The following PERCC1 variants were observed in gnomAD, a reference collection of about 807,000 sequenced individuals.
PERCC1 encodes protein PERCC1.
Position 1,433,582 on chromosome 16 carries a change from T to C in PERCC1, c.*185T>C. 6.6e-6 allele frequency among the ~76,000 whole-genome samples: 1 copy of C among 152,178 alleles called. No individual in the cohort carries two copies. Among genetic ancestry groups the C allele is most frequent in the East Asian group, 1.9e-4 (1 of 5,172 alleles). On this transcript the variant is annotated 3_prime_UTR_variant, in exon 2 of 2. Transcript: ENST00000640283. ...GTGGTGCCCAGACCTGGCCATGCCC[T>C]GGCCTTCAGCCCCAGCAGAGCCCCT...
At position 1,432,883 on chromosome 16, in the gene PERCC1, T is replaced by G; in HGVS notation, c.290T>G (p.Ile97Ser). The change falls in exon 2 of 2, where the codon ATC becomes AGC. Residue 97 changes from isoleucine to serine, a missense_variant. Coordinates refer to ENST00000640283, the MANE Select transcript of PERCC1 (RefSeq NM_001365310.2). Reference sequence around the variant, plus strand: ...TTTTCAGAGCTCATCAGCGACGACATCCGGCGGTACTTTGGCCGCAAGGAT... The same window carrying G: ...TTTTCAGAGCTCATCAGCGACGACAGCCGGCGGTACTTTGGCCGCAAGGAT... The part of the protein sequence containing the change: ...LRFSELISDD[I>S]RRYFGRKDKG... The G allele has an allele frequency of 2.5e-6, 1 of 398,596 alleles. No homozygotes were observed. Among genetic ancestry groups the G allele is most frequent in the Non-Finnish European group, 4.4e-6 (1 of 225,966 alleles). 24.7% of individuals were successfully genotyped at this position (398,596 alleles called of 1,614,324 possible). A position where few individuals can be genotyped will look rare whatever the true frequency, so the allele number is the denominator to read the frequency against.
At chr16:1,431,873 C>T (rs2038451113) in intron 1 of PERCC1, among the ~76,000 whole-genome samples, 1 of 152,170 alleles carries the variant, frequency 6.6e-6, no homozygotes, top group Admixed American at 6.5e-5. Flanking sequence ...ACCCCAGCCG[C>T]CTTCACCATC....
chr16:1,432,499 G>T (rs1425314145), intron 1 of PERCC1, 48 bp from the exon 2 acceptor site: 2 of 398,280 alleles, frequency 5.0e-6, no homozygotes, highest in Non-Finnish European at 8.9e-6. Context: ...GGCGGCGGGG[G>T]CATGGCCAGG....
intron 1 of PERCC1, among the ~76,000 whole-genome samples, chr16:1,431,814 C>G (rs2142346972): frequency 6.6e-6 from 1 of 152,308 alleles, no homozygotes; most frequent in East Asian, 1.9e-4. Context: ...CTTGAGTCGT[C>G]CTGGCCAGGT....
Position 1,434,278 on chromosome 16 carries a change from G to A in PERCC1, c.*881G>A. The A allele has an allele frequency of 1.9e-6, 2 of 1,072,034 alleles. No homozygotes were observed. Among genetic ancestry groups the A allele is most frequent in the Non-Finnish European group, 2.6e-6 (2 of 757,366 alleles). 66.4% of individuals were successfully genotyped at this position (1,072,034 alleles called of 1,614,324 possible). A position where few individuals can be genotyped will look rare whatever the true frequency, so the allele number is the denominator to read the frequency against. On this transcript the variant is annotated 3_prime_UTR_variant, in exon 2 of 2. Coordinates refer to ENST00000640283, the MANE Select transcript of PERCC1 (RefSeq NM_001365310.2). ...AGAGTCATGGGGGTCAAGAGACTGG[G>A]TCCCTCCAAGCTTGGGCACCCCCGC... is the stretch of plus-strand genomic sequence containing the variant.
At position 1,433,922 on chromosome 16, in the gene PERCC1, C is replaced by G. The variant is rs968951356; in HGVS notation, c.*525C>G. 6.6e-6 allele frequency among the ~76,000 whole-genome samples: 1 copy of G among 152,206 alleles called. No homozygotes were observed. Among genetic ancestry groups the G allele is most frequent in the Non-Finnish European group, 1.5e-5 (1 of 68,022 alleles). On this transcript the variant is annotated 3_prime_UTR_variant, in exon 2 of 2. Coordinates refer to ENST00000640283, the MANE Select transcript of PERCC1 (RefSeq NM_001365310.2). ...GAGGCAGGAAGAGGGGCCCACTGCCCGACCGAGAGAGCAAACAAGGGCCGT... is the reference window on the plus strand; with the variant it reads ...GAGGCAGGAAGAGGGGCCCACTGCCGGACCGAGAGAGCAAACAAGGGCCGT...
Position 1,431,094 on chromosome 16 carries a change from G to T in PERCC1, c.-62G>T, listed in dbSNP as rs1019851461. ...AAGGTCTGCCTGTGGAGCAAGAGCTGTCGGCCCCGGCCAGGTAGGAGCCAG... is the reference window on the plus strand; with the variant it reads ...AAGGTCTGCCTGTGGAGCAAGAGCTTTCGGCCCCGGCCAGGTAGGAGCCAG... On this transcript the variant is annotated 5_prime_UTR_variant, in exon 1 of 2. Transcript: ENST00000640283. 1 of 152,330 alleles carries T rather than the reference G, an allele frequency of 6.6e-6. No individual in the cohort carries two copies. The highest frequency in any genetic ancestry group is 2.1e-4 in the South Asian group (1 of 4,836). 9.4% of individuals were successfully genotyped at this position (152,330 alleles called of 1,614,324 possible).
rs1056574849 is a variant in PERCC1 at position 1,432,988 on chromosome 16, C to A, written c.395C>A (p.Ala132Glu). The A allele has an allele frequency of 5.0e-6, 2 of 398,790 alleles. No homozygotes were observed. The highest frequency in any genetic ancestry group is 4.4e-5 in the Admixed American group (1 of 22,716). 24.7% of individuals were successfully genotyped at this position (398,790 alleles called of 1,614,324 possible). ...AGCACTGCCCGGGAGCTCTACTATG[C>A]GGACCTGGTGCGCCTGGCCCGTGGC... ...PRSTARELYY[A>E]DLVRLARGGS... The change falls in exon 2 of 2, where the codon GCG becomes GAG. Residue 132 changes from alanine (A) to glutamate (E), a missense_variant. By Grantham distance (107) the Ala-to-Glu change is moderately radical (BLOSUM62 -1). Coordinates refer to ENST00000640283, the MANE Select transcript of PERCC1 (RefSeq NM_001365310.2).
rs555788022 is a variant in PERCC1 at position 1,432,898 on chromosome 16, G to A, written c.305G>A (p.Gly102Asp). The A allele has an allele frequency of 5.0e-5, 20 of 398,742 alleles. No homozygotes were observed. In the South Asian group the frequency reaches 2.4e-3, roughly 48 times the overall value. The allele number at this position is 398,742 out of a possible 1,614,324, so 24.7% of individuals were successfully genotyped here. ...AGCGACGACATCCGGCGGTACTTTGGCCGCAAGGATAAGGGGCAGGACCCA... is the reference window on the plus strand; with the variant it reads ...AGCGACGACATCCGGCGGTACTTTGACCGCAAGGATAAGGGGCAGGACCCA... ...LISDDIRRYF[G>D]RKDKGQDPDA... The change falls in exon 2 of 2, where the codon GGC becomes GAC. Residue 102 changes from glycine (G) to aspartate (D), a missense_variant. By Grantham distance (94) the Gly-to-Asp change is moderately conservative. Coordinates refer to ENST00000640283, the MANE Select transcript of PERCC1 (RefSeq NM_001365310.2).
In PERCC1 at chr16:1,434,370, AG is replaced by A; in HGVS notation, c.*976del. 1 of 1,544,510 alleles carries A rather than the reference AG, an allele frequency of 6.5e-7. No homozygotes were observed. The highest frequency in any genetic ancestry group is 8.7e-7 in the Non-Finnish European group (1 of 1,143,300). ...GGTAGGCTGTCTCCCAGCACACATC[AG>A]GGAACCTCAGCTCTAATGAGTACAA... is the stretch of plus-strand genomic sequence containing the variant. On this transcript the variant is annotated 3_prime_UTR_variant, in exon 2 of 2. Coordinates refer to ENST00000640283, the MANE Select transcript of PERCC1 (RefSeq NM_001365310.2).
At position 1,432,743 on chromosome 16, in the gene PERCC1, CGAGGGG is replaced by C. The variant is rs2038460994; in HGVS notation, c.151_156del (p.Glu51_Gly52del). ...AGGAGGAGGAGGAGGAGGGCGAGGG[CGAGGGG>C]CTGGGGGGCTGCGGCCGGATCCTCC... On this transcript the variant is annotated inframe_deletion, in exon 2 of 2. Transcript: ENST00000640283. 5 of 399,738 alleles carry C rather than the reference CGAGGGG, an allele frequency of 1.3e-5. No individual in the cohort carries two copies. Among genetic ancestry groups the C allele is most frequent in the Non-Finnish European group, 2.2e-5 (5 of 226,978 alleles). The allele number at this position is 399,738 out of a possible 1,614,324, so 24.8% of individuals were successfully genotyped here.
chr16:1,434,309 G>C lies in PERCC1; in HGVS notation c.*912G>C. On this transcript the variant is annotated 3_prime_UTR_variant, in exon 2 of 2. Transcript: ENST00000640283. ...CCAAGCTTGGGCACCCCCGCTGCCAGGGACCTCGCCACCCCGCTCAGCCCC... is the reference window on the plus strand; with the variant it reads ...CCAAGCTTGGGCACCCCCGCTGCCACGGACCTCGCCACCCCGCTCAGCCCC... The C allele has an allele frequency of 2.1e-6, 3 of 1,425,856 alleles. No homozygotes were observed. Among genetic ancestry groups the C allele is most frequent in the Non-Finnish European group, 2.8e-6 (3 of 1,064,848 alleles). 88.3% of individuals were successfully genotyped at this position (1,425,856 alleles called of 1,614,324 possible).
Position 1,434,379 on chromosome 16 carries a change from C to T in PERCC1, c.*982C>T. The T allele has an allele frequency of 1.3e-6, 2 of 1,547,230 alleles. No homozygotes were observed. Among genetic ancestry groups the T allele is most frequent in the Non-Finnish European group, 1.7e-6 (2 of 1,145,018 alleles). On this transcript the variant is annotated 3_prime_UTR_variant, in exon 2 of 2. Coordinates refer to ENST00000640283, the MANE Select transcript of PERCC1 (RefSeq NM_001365310.2). ...TCTCCCAGCACACATCAGGGAACCTCAGCTCTAATGAGTACAAAGCCAGCA... is the reference window on the plus strand; with the variant it reads ...TCTCCCAGCACACATCAGGGAACCTTAGCTCTAATGAGTACAAAGCCAGCA...
At position 1,434,243 on chromosome 16, in the gene PERCC1, C is replaced by G; in HGVS notation, c.*846C>G. The G allele has an allele frequency of 1.3e-6, 1 of 763,228 alleles. No homozygotes were observed. The highest frequency in any genetic ancestry group is 2.9e-5 in the Admixed American group (1 of 34,024). The allele number at this position is 763,228 out of a possible 1,614,324, so 47.3% of individuals were successfully genotyped here. On this transcript the variant is annotated 3_prime_UTR_variant, in exon 2 of 2. Coordinates refer to ENST00000640283, the MANE Select transcript of PERCC1 (RefSeq NM_001365310.2). Reference sequence around the variant, plus strand: ...AGCCTGAAGCCGGGCTGGGTTTGGGCAGGACAGGAAGAGTCATGGGGGTCA... The same window carrying G: ...AGCCTGAAGCCGGGCTGGGTTTGGGGAGGACAGGAAGAGTCATGGGGGTCA...
At position 1,432,927 on chromosome 16, in the gene PERCC1, G is replaced by A. The variant is rs2038463477; in HGVS notation, c.334G>A (p.Ala112Thr). Residue 112 changes from alanine (A) to threonine (T), a missense_variant, in exon 2 of 2, where the codon GCC becomes ACC. Transcript: ENST00000640283. ...CAAGGATAAGGGGCAGGACCCAGATGCCTGCGACGTCTACGCCGACAGCCG... is the reference window on the plus strand; with the variant it reads ...CAAGGATAAGGGGCAGGACCCAGATACCTGCGACGTCTACGCCGACAGCCG... ...GRKDKGQDPD[A>T]CDVYADSRPP... 1 of 398,914 alleles carries A rather than the reference G, an allele frequency of 2.5e-6. No homozygotes were observed. Among genetic ancestry groups the A allele is most frequent in the Non-Finnish European group, 4.4e-6 (1 of 226,136 alleles). The allele number at this position is 398,914 out of a possible 1,614,324, so 24.7% of individuals were successfully genotyped here. A position where few individuals can be genotyped will look rare whatever the true frequency, so the allele number is the denominator to read the frequency against.
chr16:1,432,933 G>A lies in PERCC1; in HGVS notation c.340G>A (p.Asp114Asn), dbSNP rs569475995. 1.2e-4 allele frequency: 49 copies of A among 398,914 alleles called. No homozygotes were observed. Among genetic ancestry groups the A allele is most frequent in the East Asian group, 9.6e-4 (27 of 28,082 alleles). 24.7% of individuals were successfully genotyped at this position (398,914 alleles called of 1,614,324 possible). A position where few individuals can be genotyped will look rare whatever the true frequency, so the allele number is the denominator to read the frequency against. The stretch of plus-strand genomic sequence containing the variant: ...TAAGGGGCAGGACCCAGATGCCTGC[G>A]ACGTCTACGCCGACAGCCGCCCACC... ...KDKGQDPDAC[D>N]VYADSRPPRS... The change falls in exon 2 of 2, where the codon GAC becomes AAC. Residue 114 changes from aspartate to asparagine, a missense_variant. By Grantham distance (23) the Asp-to-Asn change is conservative. Transcript: ENST00000640283.
In PERCC1 at chr16:1,434,384, C is replaced by A. The variant is rs78398531; in HGVS notation, c.*987C>A. The A allele has an allele frequency of 0.073, 112,658 of 1,548,498 alleles. 5,730 individuals carry two copies. The highest frequency in any genetic ancestry group is 0.26 in the African/African-American group (18,834 of 73,072). ...CAGCACACATCAGGGAACCTCAGCT[C>A]TAATGAGTACAAAGCCAGCACGTTT... On this transcript the variant is annotated 3_prime_UTR_variant, in exon 2 of 2. Transcript: ENST00000640283.
rs965498106 is a variant in PERCC1, at chr16:1,433,904, G to A, written c.*507G>A. Among the ~76,000 whole-genome samples the A allele has an allele frequency of 2.6e-5, 4 of 152,216 alleles. No individual in the cohort carries two copies. The highest frequency in any genetic ancestry group is 5.9e-5 in the Non-Finnish European group (4 of 68,026). ...AGCGAGGGCTTTCTTGGAGAGGCAGGAAGAGGGGCCCACTGCCCGACCGAG... is the reference window on the plus strand; with the variant it reads ...AGCGAGGGCTTTCTTGGAGAGGCAGAAAGAGGGGCCCACTGCCCGACCGAG... On this transcript the variant is annotated 3_prime_UTR_variant, in exon 2 of 2. Transcript: ENST00000640283.
Position 1,432,842 on chromosome 16 carries a change from G to A in PERCC1, c.249G>A (p.Pro83=), listed in dbSNP as rs1430895359. ...APEGPGSPET[P]LQLLRFSELI... ...AGGGTCCCGGCAGCCCCGAGACCCCGCTGCAGCTGCTACGCTTTTCAGAGC... is the reference window on the plus strand; with the variant it reads ...AGGGTCCCGGCAGCCCCGAGACCCCACTGCAGCTGCTACGCTTTTCAGAGC... The change falls in exon 2 of 2, where the codon CCG becomes CCA. Residue 83 remains proline, a synonymous_variant. Transcript: ENST00000640283. The A allele has an allele frequency of 5.5e-5, 22 of 398,536 alleles. No homozygotes were observed. Among genetic ancestry groups the A allele is most frequent in the South Asian group, 1.3e-4 (1 of 7,882 alleles). The allele number at this position is 398,536 out of a possible 1,614,324, so 24.7% of individuals were successfully genotyped here.
Sources: allele counts gnomAD v4.1 joint callset (sites outside exome capture counted in the v4.1 genomes callset), GRCh38; gene constraint gnomAD v4.1.1; transcripts MANE v1.5; gene names NCBI Gene and HGNC (gene_info 2026-07-23, HGNC 2026-07-21).